Variants in NBAS observed in about 807,000 individuals in gnomAD.
NBAS encodes NAG/BC035112 fusion.
In NBAS, 219 loss-of-function variants were observed where a neutral mutation model predicts 302.5. The ratio of observed to expected loss-of-function variants is 0.72; its 90% confidence interval spans 0.65 to 0.81. NBAS has a LOEUF of 0.81. Among genes scored for constraint, NBAS ranks in the 30% least tolerant of loss-of-function variants. The probability of loss-of-function intolerance (pLI) is 0.00; values close to 1 mark genes in which losing one functional copy is unlikely to be tolerated. For synonymous variants in NBAS, 1,118 were observed against 1,021.6 expected (o/e 1.09, Z -1.80); for missense variants, 2,932 against 2,841.6 (o/e 1.03, Z -0.72).
chr2:15,513,130 A>G (rs1662220874), intron 9 of NBAS, among the ~76,000 whole-genome samples: 1 of 152,238 alleles, frequency 6.6e-6, no homozygotes, highest in Non-Finnish European at 1.5e-5. Context: ...ACCATAAAGT[A>G]ATTCAAATGC....
the NBAS span, among the ~76,000 whole-genome samples, chr2:14,879,657 C>T: frequency 1.3e-5 from 2 of 152,044 alleles, no homozygotes; most frequent in Admixed American, 6.6e-5. Context: ...TAAAGAGAAA[C>T]TCAAGTAAAA....
chr2:15,024,313 T>G, the NBAS span, among the ~76,000 whole-genome samples: 2 of 152,188 alleles, frequency 1.3e-5, no homozygotes, highest in South Asian at 2.1e-4. Context: ...GATCTTGTTC[T>G]TTTTTATGGC....
chr2:14,886,752 G>A, the NBAS span: 1 of 152,168 alleles, frequency 6.6e-6, no homozygotes, highest in African/African-American at 2.4e-5. Context: ...AAGGTGAATA[G>A]GTCTGTTAAA....
the NBAS span, among the ~76,000 whole-genome samples, chr2:14,884,005 G>C: frequency 6.6e-6 from 1 of 151,684 alleles, no homozygotes; most frequent in Non-Finnish European, 1.5e-5. Flanking sequence ...AAAAATAAAA[G>C]AAAGAAAGGT....
At chr2:15,446,470 C>T in intron 21 of NBAS, among the ~76,000 whole-genome samples, 1 of 152,060 alleles carries the variant, frequency 6.6e-6, no homozygotes, top group South Asian at 2.1e-4. Context: ...TCTTCCAAAA[C>T]TAAGCAAAGA....
chr2:14,794,221 TG>T, the NBAS span, among the ~76,000 whole-genome samples: 1 of 152,166 alleles, frequency 6.6e-6, no homozygotes, highest in South Asian at 2.1e-4. Flanking sequence ...AGCCCTCTTT[TG>T]GAGAAAGGTA....
chr2:15,462,276 T>A (rs1211434081), intron 19 of NBAS, among the ~76,000 whole-genome samples: 2 of 152,186 alleles, frequency 1.3e-5, no homozygotes, highest in Non-Finnish European at 2.9e-5. Context: ...CAATACACTT[T>A]TCCCACCCTC....
chr2:15,038,622 A>G, the NBAS span, among the ~76,000 whole-genome samples: 3 of 152,040 alleles, frequency 2.0e-5, no homozygotes, highest in Non-Finnish European at 4.4e-5. Context: ...CTCTGACCTT[A>G]CACTTCTGTG....
chr2:15,514,099 T>C (rs1206568678), intron 9 of NBAS, among the ~76,000 whole-genome samples: 1 of 152,204 alleles, frequency 6.6e-6, no homozygotes, highest in Non-Finnish European at 1.5e-5. Context: ...AGAGTCTTTA[T>C]TTTGTAGAAA....
chr2:14,944,421 G>GGTC, the NBAS span, among the ~76,000 whole-genome samples: 1 of 152,204 alleles, frequency 6.6e-6, no homozygotes, highest in Admixed American at 6.5e-5. Context: ...AACCCTACAA[G>GGTC]GTCGGTACTC....
At chr2:14,953,535 A>T in the NBAS span, among the ~76,000 whole-genome samples, 1 of 152,178 alleles carries the variant, frequency 6.6e-6, no homozygotes, top group African/African-American at 2.4e-5. Context: ...CCCTAGCCCC[A>T]TGGAGTGGTG....
the NBAS span, among the ~76,000 whole-genome samples, chr2:14,952,663 G>A: frequency 6.6e-6 from 1 of 152,232 alleles, no homozygotes; most frequent in African/African-American, 2.4e-5. Context: ...CTTTTAAGCA[G>A]AGAAATGACC....
chr2:15,315,328 A>T (rs954775002), intron 38 of NBAS, among the ~76,000 whole-genome samples: 2 of 152,228 alleles, frequency 1.3e-5, no homozygotes, highest in African/African-American at 4.8e-5. Flanking sequence ...TATTAACTGG[A>T]GGGTACACAG....
At chr2:15,001,215 C>T in the NBAS span, among the ~76,000 whole-genome samples, 2 of 152,106 alleles carry the variant, frequency 1.3e-5, no homozygotes, top group Admixed American at 6.5e-5. Context: ...ACTTCCCAGA[C>T]CTTTCCTTCG....
chr2:15,395,651 T>A (rs940606542), intron 27 of NBAS, among the ~76,000 whole-genome samples: 1 of 152,104 alleles, frequency 6.6e-6, no homozygotes, highest in Admixed American at 6.6e-5. Flanking sequence ...CGATTTCTAA[T>A]CAGTGGACTC....
At chr2:14,792,470 T>G in the NBAS span, among the ~76,000 whole-genome samples, 1 of 152,116 alleles carries the variant, frequency 6.6e-6, no homozygotes, top group South Asian at 2.1e-4. Context: ...CTGACAGTAT[T>G]GGGAGGGAGT....
chr2:15,153,887 A>G, the NBAS span, among the ~76,000 whole-genome samples: 5 of 152,380 alleles, frequency 3.3e-5, no homozygotes, highest in South Asian at 1.0e-3. Context: ...AAAGTGTTTT[A>G]TAAACTAAAC....
intron 38 of NBAS, among the ~76,000 whole-genome samples, chr2:15,309,744 C>T (rs1558522894): frequency 6.6e-6 from 1 of 152,202 alleles, no homozygotes; most frequent in African/African-American, 2.4e-5. Context: ...TCACGCTCCA[C>T]AAAAAGAAAA....
chr2:14,809,012 G>C, the NBAS span, among the ~76,000 whole-genome samples: 1 of 152,214 alleles, frequency 6.6e-6, no homozygotes, highest in Admixed American at 6.5e-5. Context: ...ACTTCAGAGA[G>C]AAGATGTAGA....
Sources: gnomAD v4.1 joint callset for allele counts (sites outside exome capture counted in the v4.1 genomes callset) on GRCh38, gnomAD v4.1.1 for gene constraint, MANE v1.5 for transcripts, NCBI Gene and HGNC (gene_info 2026-07-23, HGNC 2026-07-21) for gene names.